Variants in PEX5L observed in about 807,000 individuals in gnomAD.
PEX5L encodes peroxisomal biogenesis factor 5 like.
PEX5L carries 30 observed loss-of-function variants against 84.0 expected under a neutral mutation model. That is an observed-to-expected ratio of 0.36 (90% CI 0.27 to 0.48). PEX5L has a LOEUF of 0.48. Among genes scored for constraint, PEX5L ranks in the 20% least tolerant of loss-of-function variants. The pLI is 0.99. For synonymous variants in PEX5L, 270 were observed against 283.1 expected (o/e 0.95, Z 0.46); for missense variants, 533 against 754.6 (o/e 0.71, Z 3.44).
In PEX5L at chr3:179,808,280, G is replaced by A; in HGVS notation, c.1510C>T (p.Arg504Trp). ...IDAFNAALTV[R>W]PEDYSLWNRL... ...GTGCTGTGCTGTCTTACCTCTGGCC[G>A]AACAGTTAAGGCAGCGTTAAATGCA... Residue 504 changes from arginine to tryptophan, a missense_variant, in exon 13 of 15, where the codon CGG (arginine) becomes TGG (tryptophan). Arg to Trp is a moderately radical substitution (Grantham distance 101, BLOSUM62 -3). This residue lies in a region of PEX5L where 105 missense variants were observed against 204.6 expected (regional missense o/e 0.51). Transcript: ENST00000467460. The A allele has an allele frequency of 6.4e-7, 1 of 1,569,074 alleles. No homozygotes were observed.
chr3:179,917,413 C>G (rs1405152179), intron 2 of PEX5L, among the ~76,000 whole-genome samples: 1 of 151,762 alleles, frequency 6.6e-6, no homozygotes, highest in East Asian at 1.9e-4. Flanking sequence ...ATATATAAAC[C>G]AGCAACATAG....
intron 8 of PEX5L, among the ~76,000 whole-genome samples, chr3:179,854,784 A>T (rs1207730692): frequency 1.3e-5 from 2 of 152,228 alleles, no homozygotes; most frequent in African/African-American, 4.8e-5. Flanking sequence ...ATATTAGGGT[A>T]CAGTGGTAAA....
chr3:179,848,628 G>C (rs12497869), intron 8 of PEX5L, among the ~76,000 whole-genome samples: 359 of 151,810 alleles, frequency 2.4e-3, no homozygotes, highest in Middle Eastern at 0.01. Flanking sequence ...GCATGTGACA[G>C]AGAAACAGAA....
intron 7 of PEX5L, among the ~76,000 whole-genome samples, chr3:179,860,724 C>T (rs1745790846): frequency 6.6e-6 from 1 of 152,206 alleles, no homozygotes; most frequent in Admixed American, 6.5e-5. Context: ...GTAATTTAGA[C>T]ATTATAATTT....
chr3:180,000,895 T>C (rs770917969), intron 1 of PEX5L, among the ~76,000 whole-genome samples: 2 of 152,140 alleles, frequency 1.3e-5, no homozygotes, highest in African/African-American at 4.8e-5. Context: ...TCAGGAGATA[T>C]GTGTGGGTTC....
At position 179,796,780 on chromosome 3, in the gene PEX5L, C is replaced by T. The variant is rs1454797926; in HGVS notation, c.*5048G>A. Reference sequence around the variant, plus strand: ...TTGGTTCTGAGTGACCGTGAAATCACCTCATCACTCCCTAAATATCAGTGT... The same window carrying T: ...TTGGTTCTGAGTGACCGTGAAATCATCTCATCACTCCCTAAATATCAGTGT... On this transcript the variant is annotated 3_prime_UTR_variant, in exon 15 of 15. Coordinates refer to ENST00000467460, the MANE Select transcript of PEX5L (RefSeq NM_016559.3). 1 of 152,102 alleles carries T rather than the reference C, an allele frequency of 6.6e-6. No homozygotes were observed. Among genetic ancestry groups the T allele is most frequent in the Admixed American group, 6.5e-5 (1 of 15,268 alleles). 9.4% of individuals were successfully genotyped at this position (152,102 alleles called of 1,614,324 possible). A position where few individuals can be genotyped will look rare whatever the true frequency, so the allele number is the denominator to read the frequency against.
At chr3:180,021,148 A>G (rs1790388640) in intron 1 of PEX5L, among the ~76,000 whole-genome samples, 1 of 152,180 alleles carries the variant, frequency 6.6e-6, no homozygotes, top group Admixed American at 6.5e-5. Context: ...TGGATTTTGA[A>G]GGATAAGCAA....
In PEX5L at chr3:179,800,261, T is replaced by C. The variant is rs1718469649; in HGVS notation, c.*1567A>G. 6.6e-6 allele frequency: 1 copy of C among 152,204 alleles called. No individual in the cohort carries two copies. The highest frequency in any genetic ancestry group is 6.5e-5 in the Admixed American group (1 of 15,280). The allele number at this position is 152,204 out of a possible 1,614,324, so 9.4% of individuals were successfully genotyped here. On this transcript the variant is annotated 3_prime_UTR_variant, in exon 15 of 15. Coordinates refer to ENST00000467460, the MANE Select transcript of PEX5L (RefSeq NM_016559.3). ...GATCCCAATTCTGTGGAGTCTTTTT[T>C]GTTGTTGTTGTTTTATTTTTTGTGG... is the stretch of plus-strand genomic sequence containing the variant.
chr3:179,976,585 G>A lies in PEX5L; in HGVS notation c.22-4920C>T, dbSNP rs980073269. Reference sequence around the variant, plus strand: ...CCCTAGTAGCTGGGATTACAGGCACGTGCCACCACAGCTGGCTAATTTTTG... The same window carrying A: ...CCCTAGTAGCTGGGATTACAGGCACATGCCACCACAGCTGGCTAATTTTTG... On this transcript the variant is annotated intron_variant, in intron 1 of 14. Transcript: ENST00000467460. Among the ~76,000 whole-genome samples, 11 of 152,134 alleles carry A rather than the reference G, an allele frequency of 7.2e-5. 1 individual carries two copies. The highest frequency in any genetic ancestry group is 2.7e-4 in the African/African-American group (11 of 41,506).
At chr3:179,818,848 CT>C (rs78348936) in intron 9 of PEX5L, among the ~76,000 whole-genome samples, 8,236 of 102,774 alleles carry the variant, frequency 0.08, 695 homozygotes, top group African/African-American at 0.22. Context: ...CTTTTCTTTT[CT>C]TTTTTTTTTT....
chr3:179,867,112 C>T (rs1176803808), intron 7 of PEX5L, among the ~76,000 whole-genome samples: 1 of 151,450 alleles, frequency 6.6e-6, no homozygotes, highest in Non-Finnish European at 1.5e-5. Flanking sequence ...ATTCCTAGAG[C>T]TTTGTACAAG....
chr3:179,929,983 G>C (rs1321958287), intron 2 of PEX5L, among the ~76,000 whole-genome samples: 1 of 152,124 alleles, frequency 6.6e-6, no homozygotes, highest in Non-Finnish European at 1.5e-5. Flanking sequence ...TGTCTGAGTT[G>C]CCAAGCCTGA....
At chr3:179,847,647 T>C (rs1476728567) in intron 8 of PEX5L, among the ~76,000 whole-genome samples, 1 of 152,226 alleles carries the variant, frequency 6.6e-6, no homozygotes, top group Admixed American at 6.5e-5. Context: ...TAAGTGTTTT[T>C]AGTCAGAAAA....
chr3:179,905,473 C>T (rs1043133679), intron 2 of PEX5L, among the ~76,000 whole-genome samples: 1 of 152,078 alleles, frequency 6.6e-6, no homozygotes, highest in African/African-American at 2.4e-5. Flanking sequence ...CGGGGTTTCA[C>T]CGTGTTAGCC....
chr3:179,824,050 T>C, intron 8 of PEX5L, among the ~76,000 whole-genome samples: 1 of 152,244 alleles, frequency 6.6e-6, no homozygotes, highest in East Asian at 1.9e-4. Context: ...ACCAGGGCAA[T>C]ATTAATTAAA....
chr3:180,036,337 C>T (rs569209939), intron 1 of PEX5L, among the ~76,000 whole-genome samples: 1 of 152,278 alleles, frequency 6.6e-6, no homozygotes, highest in South Asian at 2.1e-4. Flanking sequence ...GAAACAGGCT[C>T]AGGGAATGCA....
intron 2 of PEX5L, among the ~76,000 whole-genome samples, chr3:179,935,794 T>A (rs753300658): frequency 1.4e-4 from 21 of 152,190 alleles, no homozygotes; most frequent in Non-Finnish European, 2.8e-4. Flanking sequence ...TCCACCATCA[T>A]GGGGAGCTTG....
At chr3:179,911,761 C>T (rs1034933562) in intron 2 of PEX5L, among the ~76,000 whole-genome samples, 6 of 152,144 alleles carry the variant, frequency 3.9e-5, no homozygotes, top group Non-Finnish European at 7.4e-5. Flanking sequence ...TCCAAGGTAC[C>T]GTAAGATTGC....
intron 8 of PEX5L, among the ~76,000 whole-genome samples, chr3:179,857,164 G>A (rs1197752324): frequency 2.0e-5 from 3 of 152,330 alleles, no homozygotes; most frequent in African/African-American, 7.2e-5. Flanking sequence ...TTAATGAGAT[G>A]TAGGTAGTTA....
Sources: gnomAD v4.1 joint callset for allele counts (sites outside exome capture counted in the v4.1 genomes callset) on GRCh38, gnomAD v4.1.1 for gene constraint, gnomAD v4.1.1 regional missense constraint, MANE v1.5 for transcripts, NCBI Gene and HGNC (gene_info 2026-07-23, HGNC 2026-07-21) for gene names.